Variants in ATP2C2 observed in about 807,000 individuals in gnomAD.
The protein encoded by ATP2C2 is ATPase secretory pathway Ca2+ transporting 2.
A neutral mutation model predicts 110.8 loss-of-function variants in ATP2C2; 171 were observed. The observed-to-expected ratio is 1.54, with a 90% CI of 1.36 to 1.75. The LOEUF is 1.75. Ranked by LOEUF, ATP2C2 falls within the 40% of genes most tolerant of loss-of-function variation. ATP2C2 has a pLI of 0.00. For missense variants in ATP2C2, 1,963 were observed against 1,235.0 expected, an observed-to-expected ratio of 1.59 and a Z score of -8.84; for synonymous variants, 804 against 508.4, an observed-to-expected ratio of 1.58 and a Z score of -7.82.
At position 84,446,473 on chromosome 16, in the gene ATP2C2, G is replaced by A. The variant is rs1451157472; in HGVS notation, c.1503+43G>A. On this transcript the variant is annotated intron_variant, in intron 16 of 26. Coordinates refer to ENST00000262429, the MANE Select transcript of ATP2C2 (RefSeq NM_014861.4). ...TCAACCTCTTCTCTCTTTCTGCCCGGGCCCCCACCCAGAGATAAAGCAAAA... is the reference window on the plus strand; with the variant it reads ...TCAACCTCTTCTCTCTTTCTGCCCGAGCCCCCACCCAGAGATAAAGCAAAA... 2.8e-6 allele frequency: 4 copies of A among 1,430,396 alleles called. No individual in the cohort carries two copies. In the East Asian group the frequency reaches 7.3e-5, roughly 26 times the overall value. 88.6% of individuals were successfully genotyped at this position (1,430,396 alleles called of 1,614,324 possible). A position where few individuals can be genotyped will look rare whatever the true frequency, so the allele number is the denominator to read the frequency against.
At position 84,463,621 on chromosome 16, in the gene ATP2C2, G is replaced by C; in HGVS notation, c.2730G>C (p.Leu910=). Residue 910 remains leucine (L), a synonymous_variant, in exon 27 of 27, where the codon CTG becomes CTC. Transcript: ENST00000262429. ...QTENLGALDL[L]FLTGLASSVF... ...TGTTTTCTCCCTTGGCAGATTTGCT[G>C]TTTTTAACTGGATTGGCCTCATCCG... The C allele has an allele frequency of 6.2e-7, 1 of 1,613,900 alleles. No homozygotes were observed.
At chr16:84,413,485 G>A (rs1035118337) in intron 6 of ATP2C2, among the ~76,000 whole-genome samples, 2 of 152,300 alleles carry the variant, frequency 1.3e-5, no homozygotes, top group South Asian at 2.1e-4. Flanking sequence ...GTCTGGGCTC[G>A]CTGGTCGGAT....
In ATP2C2 at chr16:84,405,129, T is replaced by G; in HGVS notation, c.212T>G (p.Val71Gly). The G allele has an allele frequency of 6.2e-7, 1 of 1,613,322 alleles. No individual in the cohort carries two copies. The highest frequency in any genetic ancestry group is 1.1e-5 in the South Asian group (1 of 91,034). Reference sequence around the variant, plus strand: ...CTTGTGCCTGACCTCTCCTTCCAGGTGGACTTACACACTGGGCTGTCGGAG... The same window carrying G: ...CTTGTGCCTGACCTCTCCTTCCAGGGGGACTTACACACTGGGCTGTCGGAG... ...QKEDLARAFCVDLHTGLSEFS... is the reference protein window; with the variant it reads ...QKEDLARAFCGDLHTGLSEFS... Residue 71 changes from valine (V) to glycine (G), a missense_variant and splice_region_variant, in exon 3 of 27, where the codon GTG becomes GGG. Coordinates refer to ENST00000262429, the MANE Select transcript of ATP2C2 (RefSeq NM_014861.4).
In ATP2C2 at chr16:84,408,452, T is replaced by A. The variant is rs1193457788; in HGVS notation, c.375T>A (p.Ser125Arg). ...TGCTGCTGGGCTCTGCCCTGGTGAG[T>A]GTCCTCACCAAGGAGTATGAGGACG... Reference protein sequence around the residue: ...ILLLLGSALVSVLTKEYEDAV... With the variant: ...ILLLLGSALVRVLTKEYEDAV... Residue 125 changes from serine to arginine, a missense_variant, in exon 4 of 27, where the codon AGT becomes AGA. Ser to Arg is a moderately radical substitution (Grantham distance 110). Transcript: ENST00000262429. 1 of 1,613,784 alleles carries A rather than the reference T, an allele frequency of 6.2e-7. No individual in the cohort carries two copies. The highest frequency in any genetic ancestry group is 1.1e-5 in the South Asian group (1 of 91,080).
rs1408832273 is a variant in ATP2C2, at chr16:84,422,397, A to G, written c.632A>G (p.Asp211Gly). 1 of 1,613,604 alleles carries G rather than the reference A, an allele frequency of 6.2e-7. No individual in the cohort carries two copies. The highest frequency in any genetic ancestry group is 8.5e-7 in the Non-Finnish European group (1 of 1,179,836). Residue 211 changes from aspartate (D) to glycine (G), a missense_variant, in exon 8 of 27, where the codon GAC (aspartate) becomes GGC (glycine). Coordinates refer to ENST00000262429, the MANE Select transcript of ATP2C2 (RefSeq NM_014861.4). ...TTCCCCTTGCTCTCCTAGGTCACGG[A>G]CCTCTTGGTGGATGAATCCAGTTTC... ...PADIRLTEVT[D>G]LLVDESSFTG...
chr16:84,462,928 G>T (rs761512138), intron 26 of ATP2C2: 1 of 153,342 alleles, frequency 6.5e-6, no homozygotes, highest in Admixed American at 6.5e-5. Context: ...ATGACCTCCA[G>T]GCAAGACTGG....
At chr16:84,404,523 A>G (rs1243240058) in intron 2 of ATP2C2, 2 of 180,780 alleles carry the variant, frequency 1.1e-5, no homozygotes, top group Non-Finnish European at 2.4e-5. Flanking sequence ...AGCACGTGTC[A>G]GCATTTTCTT....
In ATP2C2 at chr16:84,442,598, A is replaced by G; in HGVS notation, c.1400A>G (p.Lys467Arg). ...TEGALMALAM[K>R]MDLSDIKNSY... ...GGTGCATTGATGGCCCTGGCGATGA[A>G]GGTAGGAGGTCCTGGGGTGGCTCTG... Residue 467 changes from lysine to arginine, a missense_variant and splice_region_variant, in exon 15 of 27, where the codon AAG (lysine) becomes AGG (arginine). Lys to Arg is a conservative substitution (Grantham distance 26, BLOSUM62 2). Transcript: ENST00000262429. 6.2e-7 allele frequency: 1 copy of G among 1,613,708 alleles called. No individual in the cohort carries two copies. Among genetic ancestry groups the G allele is most frequent in the East Asian group, 2.2e-5 (1 of 44,864 alleles).
chr16:84,459,837 C>T (rs951327904), intron 23 of ATP2C2: 16 of 425,620 alleles, frequency 3.8e-5, no homozygotes, highest in African/African-American at 1.6e-4. Context: ...TTCATGGAGG[C>T]GGAGTTTGTG....
chr16:84,419,591 C>A (rs187145127), intron 7 of ATP2C2, among the ~76,000 whole-genome samples: 43 of 152,192 alleles, frequency 2.8e-4, no homozygotes, highest in African/African-American at 9.9e-4. Flanking sequence ...GGCAGGGGGA[C>A]GTTACTCAGC....
chr16:84,444,599 C>T (rs985398082), intron 15 of ATP2C2, among the ~76,000 whole-genome samples: 1 of 152,188 alleles, frequency 6.6e-6, no homozygotes, highest in African/African-American at 2.4e-5. Flanking sequence ...TGAGTCTGCC[C>T]CATTCAACAA....
At chr16:84,402,698 A>G (rs942673091) in intron 2 of ATP2C2, among the ~76,000 whole-genome samples, 1 of 151,980 alleles carries the variant, frequency 6.6e-6, no homozygotes, top group East Asian at 1.9e-4. Context: ...ATTTGCTTGT[A>G]TTTTGCTGAG....
At chr16:84,446,489 T>A in intron 16 of ATP2C2, 59 bp downstream of exon 16, 1 of 1,218,842 alleles carries the variant, frequency 8.2e-7, no homozygotes, top group South Asian at 1.5e-5. Flanking sequence ...CACCCAGAGA[T>A]AAAGCAAAAT....
At chr16:84,403,387 C>A (rs1294218408) in intron 2 of ATP2C2, among the ~76,000 whole-genome samples, 1 of 152,144 alleles carries the variant, frequency 6.6e-6, no homozygotes, top group African/African-American at 2.4e-5. Flanking sequence ...GCCAGTGCAG[C>A]CTCCACCTCC....
chr16:84,405,170 C>T lies in ATP2C2; in HGVS notation c.253C>T (p.Arg85Cys). Residue 85 changes from arginine to cysteine, a missense_variant, in exon 3 of 27, where the codon CGC becomes TGC. Arg to Cys is a radical substitution (Grantham distance 180). Coordinates refer to ENST00000262429, the MANE Select transcript of ATP2C2 (RefSeq NM_014861.4). ...TGLSEFSVTQ[R>C]RLAHGWNEFV... Reference sequence around the variant, plus strand: ...GCTGTCGGAGTTCTCGGTGACGCAGCGCCGGCTGGCCCATGGCTGGAATGA... The same window carrying T: ...GCTGTCGGAGTTCTCGGTGACGCAGTGCCGGCTGGCCCATGGCTGGAATGA... The T allele has an allele frequency of 6.2e-6, 10 of 1,613,778 alleles. No homozygotes were observed. The highest frequency in any genetic ancestry group is 1.7e-4 in the Middle Eastern group (1 of 6,060).
chr16:84,462,677 G>A (rs1462502623), intron 26 of ATP2C2: 1 of 153,188 alleles, frequency 6.5e-6, no homozygotes, highest in Non-Finnish European at 1.5e-5. Context: ...TTTCTCTGAA[G>A]CTGCGGTTAT....
At chr16:84,429,978 A>G (rs916192621) in intron 11 of ATP2C2, among the ~76,000 whole-genome samples, 2 of 152,128 alleles carry the variant, frequency 1.3e-5, no homozygotes, top group African/African-American at 4.8e-5. Context: ...TCTTGCCTCT[A>G]GTCTCTGTCT....
chr16:84,460,031 C>G (rs1911124507), intron 23 of ATP2C2: 2 of 210,166 alleles, frequency 9.5e-6, no homozygotes, highest in Admixed American at 1.0e-4. Context: ...AGAGCCAGTG[C>G]TTCCGCTGGA....
chr16:84,430,472 C>G (rs1428117298), intron 11 of ATP2C2, among the ~76,000 whole-genome samples: 2 of 152,052 alleles, frequency 1.3e-5, no homozygotes, highest in South Asian at 2.1e-4. Flanking sequence ...GAAACCCCAT[C>G]TGTACTAAAA....
Sources: allele counts gnomAD v4.1 joint callset (sites outside exome capture counted in the v4.1 genomes callset), GRCh38; gene constraint gnomAD v4.1.1; transcripts MANE v1.5; gene names NCBI Gene and HGNC (gene_info 2026-07-23, HGNC 2026-07-21).